The following HCN1 variants were observed in gnomAD, a reference collection of about 807,000 sequenced individuals.
HCN1 encodes hyperpolarization activated cyclic nucleotide gated potassium channel 1.
Under a neutral mutation model 78.9 loss-of-function variants are expected in HCN1, and 13 were observed. The ratio of observed to expected loss-of-function variants is 0.16; its 90% CI spans 0.11 to 0.26. HCN1 has a LOEUF of 0.26. Ranked by LOEUF, HCN1 falls within the 10% of genes least tolerant of loss-of-function variation. The pLI, the probability that HCN1 is intolerant of heterozygous loss-of-function variation, is 1.00. For synonymous variants in HCN1, 552 were observed against 455.5 expected (o/e 1.21, Z -2.70); for missense variants, 810 against 1,154.3 (o/e 0.70, Z 4.32).
At chr5:45,436,941 A>C (rs2112082508) in intron 3 of HCN1, among the ~76,000 whole-genome samples, 1 of 152,322 alleles carries the variant, frequency 6.6e-6, no homozygotes, top group Middle Eastern at 3.4e-3. Flanking sequence ...AGTAAATGAA[A>C]ACTTGGATTA....
intron 4 of HCN1, among the ~76,000 whole-genome samples, chr5:45,365,910 C>G (rs1265671461): frequency 2.0e-5 from 3 of 151,844 alleles, no homozygotes; most frequent in Non-Finnish European, 4.4e-5. Flanking sequence ...GGATCCATAA[C>G]TTAGTTTATT....
At chr5:45,508,464 C>T (rs1449371637) in intron 2 of HCN1, among the ~76,000 whole-genome samples, 1 of 152,080 alleles carries the variant, frequency 6.6e-6, no homozygotes, top group African/African-American at 2.4e-5. Flanking sequence ...TCATGGTGAG[C>T]TTCAGCTCAC....
In HCN1 at chr5:45,376,490, T is replaced by C. The variant is rs114866075; in HGVS notation, c.1230+20002A>G. On this transcript the variant is annotated intron_variant, in intron 4 of 7. Transcript: ENST00000303230. The stretch of plus-strand genomic sequence containing the variant: ...ATTGGCTAGTGTCTTGATCTTGGAC[T>C]TGTCAGCCTCCAGAACTGCAAGATA... Among the ~76,000 whole-genome samples, 719 of 150,472 alleles carry C rather than the reference T, an allele frequency of 4.8e-3. 2 individuals carry two copies. The highest frequency in any genetic ancestry group is 0.017 in the African/African-American group (687 of 41,030).
intron 2 of HCN1, among the ~76,000 whole-genome samples, chr5:45,491,283 G>C: frequency 6.6e-6 from 1 of 152,054 alleles, no homozygotes; most frequent in Non-Finnish European, 1.5e-5. Flanking sequence ...TAAGTCTTAC[G>C]TCAAGCTTTA....
At chr5:45,416,837 G>A (rs965691587) in intron 3 of HCN1, among the ~76,000 whole-genome samples, 12 of 151,824 alleles carry the variant, frequency 7.9e-5, no homozygotes, top group Non-Finnish European at 5.9e-5. Flanking sequence ...TGGAAAAATA[G>A]GAGACACTGA....
At chr5:45,496,134 T>A (rs867009124) in intron 2 of HCN1, among the ~76,000 whole-genome samples, 4 of 152,058 alleles carry the variant, frequency 2.6e-5, no homozygotes, top group Non-Finnish European at 5.9e-5. Flanking sequence ...TTAGGGAGGA[T>A]TCCCTCTTTT....
chr5:45,317,834 T>C (rs1746030078), intron 5 of HCN1, among the ~76,000 whole-genome samples: 1 of 152,104 alleles, frequency 6.6e-6, no homozygotes, highest in Non-Finnish European at 1.5e-5. Flanking sequence ...TCACTGGCCA[T>C]CAGAGAAATG....
chr5:45,305,288 G>C (rs1745703415), intron 5 of HCN1, among the ~76,000 whole-genome samples: 1 of 152,112 alleles, frequency 6.6e-6, no homozygotes, highest in African/African-American at 2.4e-5. Context: ...AAGAATTCCA[G>C]GTGATAACAG....
intron 2 of HCN1, among the ~76,000 whole-genome samples, chr5:45,618,185 C>T (rs1373625889): frequency 6.6e-6 from 1 of 151,942 alleles, no homozygotes; most frequent in African/African-American, 2.4e-5. Context: ...CATTGTTGCA[C>T]TGAAAATCTA....
intron 2 of HCN1, among the ~76,000 whole-genome samples, chr5:45,474,300 T>C (rs1741469994): frequency 1.3e-5 from 2 of 151,922 alleles, no homozygotes; most frequent in Admixed American, 6.6e-5. Flanking sequence ...TACACATTGA[T>C]CCTGCAAGTA....
intron 2 of HCN1, chr5:45,558,264 G>A (rs115233566): frequency 2.0e-5 from 3 of 152,232 alleles, no homozygotes; most frequent in Non-Finnish European, 4.4e-5. Context: ...AGAGTGAGGT[G>A]CTAACTCTCT....
In HCN1 at chr5:45,256,890, T is replaced by A. The variant is rs1744627033; in HGVS notation, c.*5031A>T. On this transcript the variant is annotated 3_prime_UTR_variant, in exon 8 of 8. Transcript: ENST00000303230. ...ACGCCTGGCCTGAGAACTTGCTTTA[T>A]TTTAGCCAAAATTATTTTATCACTT... 1 of 152,302 alleles carries A rather than the reference T, an allele frequency of 6.6e-6. No individual in the cohort carries two copies. The highest frequency in any genetic ancestry group is 6.5e-5 in the Admixed American group (1 of 15,278). 9.4% of individuals were successfully genotyped at this position (152,302 alleles called of 1,614,324 possible). A position where few individuals can be genotyped will look rare whatever the true frequency, so the allele number is the denominator to read the frequency against.
At chr5:45,310,006 TG>T (rs1419627616) in intron 5 of HCN1, among the ~76,000 whole-genome samples, 2 of 152,104 alleles carry the variant, frequency 1.3e-5, no homozygotes, top group African/African-American at 2.4e-5. Context: ...GGGCTTTTTT[TG>T]GTTGGTAGGC....
intron 2 of HCN1, among the ~76,000 whole-genome samples, chr5:45,606,298 G>T (rs1744726047): frequency 6.6e-6 from 1 of 151,964 alleles, no homozygotes; most frequent in African/African-American, 2.4e-5. Context: ...AGAACAGATT[G>T]TGTGTGGGGT....
At chr5:45,645,113 T>A (rs1222647866) in intron 2 of HCN1, 72 bp downstream of exon 2, 5 of 1,123,052 alleles carry the variant, frequency 4.5e-6, no homozygotes, top group Non-Finnish European at 6.6e-6. Context: ...CATTGCACAG[T>A]TGTTCATTGT....
intron 4 of HCN1, among the ~76,000 whole-genome samples, chr5:45,372,157 GTTAT>G (rs1326303057): frequency 1.8e-5 from 1 of 56,814 alleles, no homozygotes; most frequent in Non-Finnish European, 2.9e-5. Flanking sequence ...TATATAATAT[GTTAT>G]TATATATAAT....
intron 2 of HCN1, chr5:45,642,222 T>G (rs1278524821): frequency 3.3e-5 from 5 of 152,272 alleles, no homozygotes; most frequent in Non-Finnish European, 5.9e-5. Flanking sequence ...TCTATTGATC[T>G]TATAATTGGT....
intron 5 of HCN1, among the ~76,000 whole-genome samples, chr5:45,318,872 T>A (rs1746061778): frequency 1.3e-5 from 2 of 151,854 alleles, no homozygotes; most frequent in Non-Finnish European, 2.9e-5. Flanking sequence ...AACCCAGAGG[T>A]TCTAGCTATT....
At chr5:45,307,735 C>A (rs1460542857) in intron 5 of HCN1, among the ~76,000 whole-genome samples, 3 of 152,042 alleles carry the variant, frequency 2.0e-5, no homozygotes, top group Non-Finnish European at 1.5e-5. Context: ...ATGTGGTATC[C>A]TGGATGGGAT....
Sources: gnomAD v4.1 joint callset for allele counts (sites outside exome capture counted in the v4.1 genomes callset) on GRCh38, gnomAD v4.1.1 for gene constraint, MANE v1.5 for transcripts, NCBI Gene and HGNC (gene_info 2026-07-23, HGNC 2026-07-21) for gene names.